NR2C2: variants seen among roughly 807,000 people sequenced by gnomAD.
NR2C2 encodes the protein nuclear receptor subfamily 2 group C member 2, also known as Nuclear hormone receptor TR4.
A neutral mutation model predicts 62.9 loss-of-function variants in NR2C2; 6 were observed. The observed-to-expected ratio is 0.10, with a 90% confidence interval of 0.05 to 0.19. The LOEUF is 0.19. Among genes scored for constraint, NR2C2 ranks in the 10% least tolerant of loss-of-function variants. The pLI is 1.00. For synonymous variants in NR2C2, 272 were observed against 273.8 expected, an observed-to-expected ratio of 0.99 and a Z score of 0.07; for missense variants, 479 against 762.7, an observed-to-expected ratio of 0.63 and a Z score of 4.38.
At chr3:15,022,937 T>C (rs2041717956) in intron 5 of NR2C2, among the ~76,000 whole-genome samples, 1 of 152,222 alleles carries the variant, frequency 6.6e-6, no homozygotes, top group African/African-American at 2.4e-5. Context: ...GGTGCTTCCA[T>C]AGGCCACATA....
At chr3:14,988,484 T>C (rs551650785) in intron 1 of NR2C2, among the ~76,000 whole-genome samples, 1 of 152,376 alleles carries the variant, frequency 6.6e-6, no homozygotes, top group South Asian at 2.1e-4. Context: ...CCCAGAAGTA[T>C]AATTATCAGG....
At chr3:14,972,912 G>A (rs367782855) in intron 1 of NR2C2, among the ~76,000 whole-genome samples, 8 of 152,066 alleles carry the variant, frequency 5.3e-5, no homozygotes, top group African/African-American at 1.7e-4. Context: ...GCACCAAGAG[G>A]ACGGTCTTAA....
chr3:15,047,851 T>C lies in NR2C2; in HGVS notation c.*4843T>C, dbSNP rs934377015. The C allele has an allele frequency of 2.0e-5, 3 of 152,240 alleles. No homozygotes were observed. The highest frequency in any genetic ancestry group is 2.0e-4 in the Admixed American group (3 of 15,282). The allele number at this position is 152,240 out of a possible 1,614,324, so 9.4% of individuals were successfully genotyped here. A position where few individuals can be genotyped will look rare whatever the true frequency, so the allele number is the denominator to read the frequency against. On this transcript the variant is annotated 3_prime_UTR_variant, in exon 14 of 14. Coordinates refer to ENST00000425241, the MANE Select transcript of NR2C2 (RefSeq NM_001291694.2). Reference sequence around the variant, plus strand: ...TAACTCCTTTCTATAAGTTATGATTTTAAATTTTCAGATAAGAATTGCATT... The same window carrying C: ...TAACTCCTTTCTATAAGTTATGATTCTAAATTTTCAGATAAGAATTGCATT...
rs1382024148 is a variant in NR2C2, at chr3:15,047,367, C to G, written c.*4359C>G. ...ACAGGGTGACATTTCCGTATATTCT[C>G]TAGGTTCGGACAAGAGCCAGGAAGC... On this transcript the variant is annotated 3_prime_UTR_variant, in exon 14 of 14. Transcript: ENST00000425241. 6.6e-6 allele frequency: 1 copy of G among 152,212 alleles called. No homozygotes were observed. The highest frequency in any genetic ancestry group is 1.5e-5 in the Non-Finnish European group (1 of 68,050). 9.4% of individuals were successfully genotyped at this position (152,212 alleles called of 1,614,324 possible). A position where few individuals can be genotyped will look rare whatever the true frequency, so the allele number is the denominator to read the frequency against.
chr3:14,983,912 G>C (rs1196535338), intron 1 of NR2C2, among the ~76,000 whole-genome samples: 3 of 151,958 alleles, frequency 2.0e-5, no homozygotes, highest in African/African-American at 7.3e-5. Flanking sequence ...TTTTGAGATG[G>C]AGTTTCACTC....
At chr3:15,005,892 G>A (rs938553414) in intron 2 of NR2C2, among the ~76,000 whole-genome samples, 1 of 151,986 alleles carries the variant, frequency 6.6e-6, no homozygotes, top group African/African-American at 2.4e-5. Context: ...TAAAGTGATT[G>A]TTGATATATT....
intron 11 of NR2C2, among the ~76,000 whole-genome samples, chr3:15,035,123 C>T (rs1233438442): frequency 6.6e-6 from 1 of 152,108 alleles, no homozygotes; most frequent in Non-Finnish European, 1.5e-5. Flanking sequence ...GAGACCTTGT[C>T]TTTACAAAAA....
intron 1 of NR2C2, among the ~76,000 whole-genome samples, chr3:15,000,317 T>A (rs900486788): frequency 1.3e-5 from 2 of 152,228 alleles, no homozygotes; most frequent in African/African-American, 4.8e-5. Context: ...GTTCTCCAGT[T>A]CCATCCGTGT....
chr3:15,013,290 T>C (rs1237079489), intron 2 of NR2C2, among the ~76,000 whole-genome samples: 2 of 152,326 alleles, frequency 1.3e-5, no homozygotes, highest in East Asian at 3.9e-4. Flanking sequence ...CAAGGACTTT[T>C]CAAAAAGTTA....
intron 1 of NR2C2, among the ~76,000 whole-genome samples, chr3:14,956,252 A>G (rs2039522912): frequency 6.6e-6 from 1 of 152,150 alleles, no homozygotes; most frequent in Admixed American, 6.5e-5. Flanking sequence ...GCAAGTTTCA[A>G]GCTATGTATT....
At chr3:15,011,940 C>A (rs552721674) in intron 2 of NR2C2, among the ~76,000 whole-genome samples, 1 of 152,282 alleles carries the variant, frequency 6.6e-6, no homozygotes, top group Admixed American at 6.5e-5. Flanking sequence ...TTCTCCAGGG[C>A]ATTTACACTG....
rs1011181686 is a variant in NR2C2, at chr3:14,948,465, G to T, written c.-40+559G>T. Reference sequence around the variant, plus strand: ...TTGGCGCCCAGATAGGAGGGCCGGGGCCTGTGGCACCGCCCCCCTAAGCTT... The same window carrying T: ...TTGGCGCCCAGATAGGAGGGCCGGGTCCTGTGGCACCGCCCCCCTAAGCTT... On this transcript the variant is annotated intron_variant, in intron 1 of 13. Coordinates refer to ENST00000425241, the MANE Select transcript of NR2C2 (RefSeq NM_001291694.2). 3.3e-5 allele frequency: 5 copies of T among 152,390 alleles called. No homozygotes were observed. In the South Asian group the frequency reaches 8.2e-4, roughly 25 times the overall value. The allele number at this position is 152,390 out of a possible 1,614,324, so 9.4% of individuals were successfully genotyped here.
In NR2C2 at chr3:15,023,344, C is replaced by T; in HGVS notation, c.701C>T (p.Ala234Val). ...TPTFVADKDG[A>V]RQTGLLDPGM... ...ACGTTTGTGGCAGACAAAGATGGAG[C>T]AAGGTCAGTCCCTTGTTCTCACTGC... The change falls in exon 6 of 14, where the codon GCA becomes GTA. Residue 234 changes from alanine to valine, a missense_variant. Transcript: ENST00000425241. 6.2e-7 allele frequency: 1 copy of T among 1,614,022 alleles called. No individual in the cohort carries two copies. The highest frequency in any genetic ancestry group is 8.5e-7 in the Non-Finnish European group (1 of 1,179,980).
At position 15,044,423 on chromosome 3, in the gene NR2C2, T is replaced by C. The variant is rs1000498217; in HGVS notation, c.*1415T>C. 1 of 152,110 alleles carries C rather than the reference T, an allele frequency of 6.6e-6. No homozygotes were observed. Among genetic ancestry groups the C allele is most frequent in the Non-Finnish European group, 1.5e-5 (1 of 68,032 alleles). The allele number at this position is 152,110 out of a possible 1,614,324, so 9.4% of individuals were successfully genotyped here. A position where few individuals can be genotyped will look rare whatever the true frequency, so the allele number is the denominator to read the frequency against. ...GGTGATAGTCTTTCTCCTCATAAAT[T>C]GTAGCAACCAGAGTTTACAGCAAGA... On this transcript the variant is annotated 3_prime_UTR_variant, in exon 14 of 14. Coordinates refer to ENST00000425241, the MANE Select transcript of NR2C2 (RefSeq NM_001291694.2).
Position 15,043,081 on chromosome 3 carries a change from A to G in NR2C2, c.*73A>G. ...TTCACATACAAAGAAAAGTAGTGGT[A>G]TTTTGGTATGTGCAAATATTTCCAT... is the stretch of plus-strand genomic sequence containing the variant. On this transcript the variant is annotated 3_prime_UTR_variant, in exon 14 of 14. Coordinates refer to ENST00000425241, the MANE Select transcript of NR2C2 (RefSeq NM_001291694.2). The G allele has an allele frequency of 7.0e-7, 1 of 1,428,806 alleles. No individual in the cohort carries two copies. The highest frequency in any genetic ancestry group is 1.5e-5 in the South Asian group (1 of 68,810). The allele number at this position is 1,428,806 out of a possible 1,614,324, so 88.5% of individuals were successfully genotyped here. A position where few individuals can be genotyped will look rare whatever the true frequency, so the allele number is the denominator to read the frequency against.
At chr3:14,964,270 TA>T (rs1396420275) in intron 1 of NR2C2, among the ~76,000 whole-genome samples, 1 of 152,180 alleles carries the variant, frequency 6.6e-6, no homozygotes, top group East Asian at 1.9e-4. Flanking sequence ...CTTTTAAGAT[TA>T]AAGACTAATA....
intron 1 of NR2C2, among the ~76,000 whole-genome samples, chr3:14,956,233 T>C (rs140402871): frequency 2.8e-4 from 43 of 152,340 alleles, no homozygotes; most frequent in African/African-American, 1.0e-3. Context: ...CAAGTCTTGA[T>C]CTATGATTGC....
intron 8 of NR2C2, among the ~76,000 whole-genome samples, chr3:15,029,109 CTT>C (rs200667224): frequency 1.2e-4 from 15 of 123,806 alleles, no homozygotes; most frequent in Non-Finnish European, 8.1e-5. Flanking sequence ...TTTCTTTTTT[CTT>C]TTTTTTTTTT....
At chr3:14,981,081 T>G (rs908945210) in intron 1 of NR2C2, among the ~76,000 whole-genome samples, 1 of 152,242 alleles carries the variant, frequency 6.6e-6, no homozygotes, top group Admixed American at 6.5e-5. Context: ...AGAACTAACT[T>G]TGCAACAGAT....
Sources: gnomAD v4.1 joint callset for allele counts (sites outside exome capture counted in the v4.1 genomes callset) on GRCh38, gnomAD v4.1.1 for gene constraint, MANE v1.5 for transcripts, NCBI Gene and HGNC (gene_info 2026-07-23, HGNC 2026-07-21) for gene names.